AGBL4: variants seen among roughly 807,000 people sequenced by gnomAD.
AGBL4 encodes cytosolic carboxypeptidase 6.
Under a neutral mutation model 66.4 loss-of-function variants are expected in AGBL4, and 58 were observed. The observed-to-expected ratio is 0.87, with a 90% CI of 0.71 to 1.09. The LOEUF (loss-of-function observed/expected upper bound fraction) is 1.09. Among genes scored for constraint, AGBL4 ranks in the 50% least tolerant of loss-of-function variants. AGBL4 has a pLI of 0.00. For synonymous variants in AGBL4, 234 were observed against 222.9 expected (o/e 1.05, Z -0.44); for missense variants, 579 against 631.0 (o/e 0.92, Z 0.88).
chr1:49,284,421 C>T (rs1173692154), intron 3 of AGBL4, among the ~76,000 whole-genome samples: 7 of 151,816 alleles, frequency 4.6e-5, no homozygotes, highest in African/African-American at 1.5e-4. Flanking sequence ...CAAAATCATG[C>T]CAAAATGTAA....
intron 4 of AGBL4, among the ~76,000 whole-genome samples, chr1:49,125,171 T>A (rs928312716): frequency 4.6e-5 from 7 of 152,182 alleles, no homozygotes; most frequent in African/African-American, 1.7e-4. Context: ...AAAAAAAGCA[T>A]ATTTTGGTGC....
chr1:49,403,917 A>G (rs1271441370), intron 3 of AGBL4, among the ~76,000 whole-genome samples: 1 of 152,132 alleles, frequency 6.6e-6, no homozygotes, highest in Non-Finnish European at 1.5e-5. Flanking sequence ...CTGTCTTCTG[A>G]TAGATCTTTC....
At chr1:49,844,875 A>C in intron 2 of AGBL4, 1 of 1,458,836 alleles carries the variant, frequency 6.9e-7, no homozygotes, top group East Asian at 2.3e-5. Context: ...CAGTGCTGGC[A>C]GCCTTGATGC....
intron 6 of AGBL4, among the ~76,000 whole-genome samples, chr1:48,676,985 C>G (rs1003923591): frequency 6.6e-6 from 1 of 152,072 alleles, no homozygotes; most frequent in Non-Finnish European, 1.5e-5. Flanking sequence ...GCTCTCTGCT[C>G]CCTGGGTCTC....
chr1:49,422,627 TA>T (rs1557926222), intron 3 of AGBL4, among the ~76,000 whole-genome samples: 1 of 152,228 alleles, frequency 6.6e-6, no homozygotes, highest in African/African-American at 2.4e-5. Context: ...TATTTAAGCA[TA>T]CACCTTGCTA....
At chr1:48,896,284 C>A (rs1651500045) in intron 5 of AGBL4, among the ~76,000 whole-genome samples, 1 of 152,178 alleles carries the variant, frequency 6.6e-6, no homozygotes, top group South Asian at 2.1e-4. Context: ...TGGACAAAGT[C>A]TAAGCTCTAA....
chr1:49,191,146 A>T (rs1647110566), intron 4 of AGBL4, among the ~76,000 whole-genome samples: 1 of 152,216 alleles, frequency 6.6e-6, no homozygotes, highest in Non-Finnish European at 1.5e-5. Flanking sequence ...AAAGTTCCTT[A>T]AACAGTCAAC....
chr1:48,834,504 A>G (rs188832083), intron 6 of AGBL4, among the ~76,000 whole-genome samples: 3 of 152,232 alleles, frequency 2.0e-5, no homozygotes, highest in Middle Eastern at 3.4e-3. Flanking sequence ...TTAGGTTTAC[A>G]TGAGGCTATG....
intron 1 of AGBL4, among the ~76,000 whole-genome samples, chr1:50,006,646 C>T (rs1228683141): frequency 6.7e-6 from 1 of 148,258 alleles, no homozygotes; most frequent in African/African-American, 2.5e-5. Flanking sequence ...GAGAGACAAG[C>T]ATGACATATT....
chr1:49,665,388 A>C (rs1350996919), intron 3 of AGBL4, among the ~76,000 whole-genome samples: 1 of 152,174 alleles, frequency 6.6e-6, no homozygotes, highest in Non-Finnish European at 1.5e-5. Context: ...TACAAACTGT[A>C]TTAGGCTAGG....
At chr1:49,784,864 A>G (rs1644415441) in intron 2 of AGBL4, among the ~76,000 whole-genome samples, 1 of 152,130 alleles carries the variant, frequency 6.6e-6, no homozygotes, top group African/African-American at 2.4e-5. Context: ...ATTAGTGATT[A>G]ATGAAATGCA....
At chr1:49,295,670 G>GA (rs1644630007) in intron 3 of AGBL4, among the ~76,000 whole-genome samples, 1 of 152,190 alleles carries the variant, frequency 6.6e-6, no homozygotes, top group South Asian at 2.1e-4. Context: ...TATTACCCCA[G>GA]AAAACACTAC....
intron 4 of AGBL4, among the ~76,000 whole-genome samples, chr1:49,083,762 C>A (rs1247714918): frequency 6.6e-6 from 1 of 152,212 alleles, no homozygotes; most frequent in African/African-American, 2.4e-5. Context: ...CATCAGGCTG[C>A]AATTTTTCCT....
At chr1:49,181,495 T>C (rs1481890384) in intron 4 of AGBL4, among the ~76,000 whole-genome samples, 1 of 152,192 alleles carries the variant, frequency 6.6e-6, no homozygotes, top group Non-Finnish European at 1.5e-5. Flanking sequence ...TGTGGGGACT[T>C]GGGCAAAATC....
At chr1:49,707,449 T>C (rs536327866) in intron 2 of AGBL4, among the ~76,000 whole-genome samples, 2 of 151,478 alleles carry the variant, frequency 1.3e-5, no homozygotes, top group South Asian at 4.2e-4. Flanking sequence ...TGTGTGTCTT[T>C]GCACATGAGT....
At chr1:49,264,659 C>T (rs2148371718) in intron 3 of AGBL4, among the ~76,000 whole-genome samples, 1 of 152,202 alleles carries the variant, frequency 6.6e-6, no homozygotes, top group African/African-American at 2.4e-5. Context: ...AATTCTCCTG[C>T]CTCAGCCTCC....
chr1:49,748,793 C>CATAA (rs1303551712), intron 2 of AGBL4, among the ~76,000 whole-genome samples: 2 of 152,164 alleles, frequency 1.3e-5, no homozygotes, highest in Admixed American at 1.3e-4. Flanking sequence ...TTGTTGGCTG[C>CATAA]ATAAATGTCT....
At chr1:49,369,950 A>G (rs1644308643) in intron 3 of AGBL4, among the ~76,000 whole-genome samples, 1 of 151,640 alleles carries the variant, frequency 6.6e-6, no homozygotes, top group African/African-American at 2.4e-5. Flanking sequence ...AAATAGAATG[A>G]AAATACCACC....
At chr1:48,707,422 A>G (rs984033127) in intron 6 of AGBL4, among the ~76,000 whole-genome samples, 11 of 152,214 alleles carry the variant, frequency 7.2e-5, no homozygotes, top group Admixed American at 6.5e-4. Context: ...TCAGAGCCAT[A>G]ACAGCATTGC....
Sources: allele counts gnomAD v4.1 joint callset (sites outside exome capture counted in the v4.1 genomes callset), GRCh38; gene constraint gnomAD v4.1.1; transcripts MANE v1.5; gene names NCBI Gene and HGNC (gene_info 2026-07-23, HGNC 2026-07-21).